RASGEF1C: variants seen among roughly 807,000 people sequenced by gnomAD.
RASGEF1C encodes the protein RasGEF domain family member 1C.
RASGEF1C carries 27 observed loss-of-function variants against 58.1 expected under a neutral mutation model. That is an observed-to-expected ratio of 0.46 (90% CI 0.34 to 0.64). RASGEF1C has a LOEUF of 0.64. Among genes scored for constraint, RASGEF1C ranks in the 30% least tolerant of loss-of-function variants. The pLI is 0.01. For synonymous variants in RASGEF1C, 243 were observed against 246.3 expected, an observed-to-expected ratio of 0.99 and a Z score of 0.13; for missense variants, 502 against 605.1, an observed-to-expected ratio of 0.83 and a Z score of 1.79.
chr5:180,105,165 A>T (rs1765855300), intron 12 of RASGEF1C, among the ~76,000 whole-genome samples: 1 of 152,236 alleles, frequency 6.6e-6, no homozygotes, highest in African/African-American at 2.4e-5. Context: ...TGTAGATCTT[A>T]GTAATCTCAG....
At chr5:180,192,620 T>A (rs1266921397) in intron 1 of RASGEF1C, among the ~76,000 whole-genome samples, 1 of 152,228 alleles carries the variant, frequency 6.6e-6, no homozygotes, top group Non-Finnish European at 1.5e-5. Context: ...GACACGTCAA[T>A]TTCAAAGACA....
chr5:180,177,274 C>G lies in RASGEF1C; in HGVS notation c.-7+31754G>C, dbSNP rs927937459. Among the ~76,000 whole-genome samples, 3 of 152,240 alleles carry G rather than the reference C, an allele frequency of 2.0e-5. No individual in the cohort carries two copies. Among genetic ancestry groups the G allele is most frequent in the Non-Finnish European group, 4.4e-5 (3 of 68,046 alleles). On this transcript the variant is annotated intron_variant, in intron 1 of 13. Transcript: ENST00000361132. This position sits in a 1 kb window ranked among gnomAD's most constrained non-coding sequence, Gnocchi z 5.0. Reference sequence around the variant, plus strand: ...CGAAGCCAGGGGCTGCTTTCCCTTTCCGGCCCCACCTCCCCACCCAGTGAA... The same window carrying G: ...CGAAGCCAGGGGCTGCTTTCCCTTTGCGGCCCCACCTCCCCACCCAGTGAA...
At chr5:180,116,546 C>T (rs11741189) in intron 10 of RASGEF1C, among the ~76,000 whole-genome samples, 25,311 of 152,238 alleles carry the variant, frequency 0.17, 2,222 homozygotes, top group South Asian at 0.25. Context: ...GAGGACAATG[C>T]GGTTAAAGTC....
rs936804764 is a variant in RASGEF1C at position 180,173,044 on chromosome 5, C to T, written c.-6-34986G>A. Among the ~76,000 whole-genome samples, 12 of 152,216 alleles carry T rather than the reference C, an allele frequency of 7.9e-5. 1 individual carries two copies. The highest frequency in any genetic ancestry group is 2.6e-4 in the Admixed American group (4 of 15,288). ...CCCTTCTGTCCCCTGGCAGGACCTG[C>T]GGCACCCTGCCTGGCTCTCCTGCCT... On this transcript the variant is annotated intron_variant, in intron 1 of 13. Transcript: ENST00000361132.
chr5:180,187,065 T>G (rs911238069), intron 1 of RASGEF1C, among the ~76,000 whole-genome samples: 21 of 152,190 alleles, frequency 1.4e-4, no homozygotes, highest in African/African-American at 5.1e-4. Flanking sequence ...GTTGAAGGAC[T>G]CACACTTCCT....
Position 180,113,021 on chromosome 5 carries a change from G to A in RASGEF1C, c.1179+1425C>T, listed in dbSNP as rs544931402. On this transcript the variant is annotated intron_variant, in intron 11 of 13. Coordinates refer to ENST00000361132, the MANE Select transcript of RASGEF1C (RefSeq NM_175062.4). ...GGGATCCGGGCTGGACGGAGGGACCGGGGATGGACGGAGGGACCGGGGATG... is the reference window on the plus strand; with the variant it reads ...GGGATCCGGGCTGGACGGAGGGACCAGGGATGGACGGAGGGACCGGGGATG... 6.8e-4 allele frequency among the ~76,000 whole-genome samples: 59 copies of A among 87,406 alleles called. No individual in the cohort carries two copies. The East Asian group carries it at 0.028, about 42-fold the overall frequency. The allele number at this position is 87,406 out of a possible 152,430, so 57.3% of individuals were successfully genotyped here.
At chr5:180,206,891 A>G (rs1756498925) in intron 1 of RASGEF1C, among the ~76,000 whole-genome samples, 1 of 152,260 alleles carries the variant, frequency 6.6e-6, no homozygotes, top group Non-Finnish European at 1.5e-5. Context: ...AAAGAGACAC[A>G]GGAAGGATAA....
At chr5:180,154,027 T>C (rs770679465) in intron 1 of RASGEF1C, among the ~76,000 whole-genome samples, 13 of 152,180 alleles carry the variant, frequency 8.5e-5, no homozygotes, top group Non-Finnish European at 1.5e-4. Flanking sequence ...TTCCTTCTCC[T>C]GCCATGAGAG....
intron 6 of RASGEF1C, among the ~76,000 whole-genome samples, chr5:180,121,738 C>T (rs968061473): frequency 6.6e-5 from 10 of 151,092 alleles, no homozygotes; most frequent in Non-Finnish European, 8.8e-5. Flanking sequence ...AAAATGTATT[C>T]GTAACCCCAA....
At chr5:180,108,064 T>C (rs1033568019) in intron 12 of RASGEF1C, among the ~76,000 whole-genome samples, 3 of 152,224 alleles carry the variant, frequency 2.0e-5, no homozygotes, top group Non-Finnish European at 4.4e-5. Flanking sequence ...GGGAACTTTC[T>C]AGCCATTATT....
intron 1 of RASGEF1C, among the ~76,000 whole-genome samples, chr5:180,193,200 T>C (rs13164322): frequency 0.45 from 41,986 of 92,952 alleles, 11,240 homozygotes; most frequent in East Asian, 0.68. Flanking sequence ...GGACTACAGG[T>C]GCCCGCCACC....
At chr5:180,157,159 C>A (rs1014793442) in intron 1 of RASGEF1C, among the ~76,000 whole-genome samples, 1 of 152,222 alleles carries the variant, frequency 6.6e-6, no homozygotes, top group Non-Finnish European at 1.5e-5. Flanking sequence ...AATCTCATTT[C>A]TTGGTATTTA....
rs1318217419 is a variant in RASGEF1C, at chr5:180,100,842, G to A, written c.*659C>T. 2.6e-5 allele frequency: 4 copies of A among 152,726 alleles called. No homozygotes were observed. In the East Asian group the frequency reaches 7.7e-4, roughly 29 times the overall value. 9.5% of individuals were successfully genotyped at this position (152,726 alleles called of 1,614,324 possible). A position where few individuals can be genotyped will look rare whatever the true frequency, so the allele number is the denominator to read the frequency against. Reference sequence around the variant, plus strand: ...GTGACTAGAGTTTACAAGGGGGCTGGGTGGCGGGACTGCCGTGTACACACT... The same window carrying A: ...GTGACTAGAGTTTACAAGGGGGCTGAGTGGCGGGACTGCCGTGTACACACT... On this transcript the variant is annotated 3_prime_UTR_variant, in exon 14 of 14. Coordinates refer to ENST00000361132, the MANE Select transcript of RASGEF1C (RefSeq NM_175062.4).
At position 180,111,511 on chromosome 5, in the gene RASGEF1C, G is replaced by C. The variant is rs1403150617; in HGVS notation, c.1249C>G (p.Gln417Glu). 1 of 1,614,200 alleles carries C rather than the reference G, an allele frequency of 6.2e-7. No homozygotes were observed. Among genetic ancestry groups the C allele is most frequent in the Admixed American group, 1.7e-5 (1 of 60,030 alleles). Residue 417 changes from glutamine (Q) to glutamate (E), a missense_variant, in exon 12 of 14, where the codon CAA becomes GAA. Physicochemically the swap from Gln to Glu is conservative, Grantham distance 29 (BLOSUM62 2). Transcript: ENST00000361132. ...AGGTAGTGGGTGATGCTGGCGTCTT[G>C]CTCGAAGGGACACTCCACTTGTTTC... is the stretch of plus-strand genomic sequence containing the variant. Reference protein sequence around the residue: ...TWKQVECPFEQDASITHYLYT... With the variant: ...TWKQVECPFEEDASITHYLYT...
At chr5:180,136,770 TCG>T in intron 3 of RASGEF1C, 1 of 501,664 alleles carries the variant, frequency 2.0e-6, no homozygotes, top group East Asian at 3.6e-5. Flanking sequence ...TGGTGAGTCT[TCG>T]CGCTGCGGGG....
chr5:180,199,274 C>G (rs1381753237), intron 1 of RASGEF1C, among the ~76,000 whole-genome samples: 2 of 152,160 alleles, frequency 1.3e-5, no homozygotes, highest in Non-Finnish European at 2.9e-5. Context: ...AAAATGGACG[C>G]AAGCTTTCTA....
At chr5:180,131,836 A>G (rs1035350849) in intron 4 of RASGEF1C, among the ~76,000 whole-genome samples, 1 of 152,232 alleles carries the variant, frequency 6.6e-6, no homozygotes, top group East Asian at 1.9e-4. Flanking sequence ...AAGATTTGTT[A>G]CTGTTGAATG....
intron 1 of RASGEF1C, among the ~76,000 whole-genome samples, chr5:180,204,324 G>T (rs1005556859): frequency 1.3e-5 from 2 of 152,116 alleles, no homozygotes; most frequent in Admixed American, 1.3e-4. Flanking sequence ...GGGTCATATG[G>T]TATTTTTATG....
chr5:180,179,049 C>T (rs1264027488), intron 1 of RASGEF1C, among the ~76,000 whole-genome samples: 1 of 152,084 alleles, frequency 6.6e-6, no homozygotes, highest in African/African-American at 2.4e-5. Context: ...ATGGGATAGT[C>T]CTGCAGCGTC....
Sources: gnomAD v4.1 joint callset for allele counts (sites outside exome capture counted in the v4.1 genomes callset) on GRCh38, gnomAD v4.1.1 for gene constraint, Gnocchi (gnomAD v3.1) non-coding constraint, MANE v1.5 for transcripts, NCBI Gene and HGNC (gene_info 2026-07-23, HGNC 2026-07-21) for gene names.